CDH17: variants seen among roughly 807,000 people sequenced by gnomAD.
CDH17 encodes cadherin-17.
A neutral mutation model predicts 86.3 loss-of-function variants in CDH17; 67 were observed. That is an observed-to-expected ratio of 0.78 (90% CI 0.64 to 0.95). The LOEUF (loss-of-function observed/expected upper bound fraction) is 0.95. Ranked by LOEUF, CDH17 falls within the 40% of genes least tolerant of loss-of-function variation. CDH17 has a pLI of 0.00. For missense variants in CDH17, 993 were observed against 1,017.6 expected, an observed-to-expected ratio of 0.98 and a Z score of 0.33; for synonymous variants, 367 against 366.4, an observed-to-expected ratio of 1.00 and a Z score of -0.02.
chr8:94,139,905 A>T (rs1040607816), intron 15 of CDH17, among the ~76,000 whole-genome samples: 5 of 98,524 alleles, frequency 5.1e-5, no homozygotes, highest in Admixed American at 1.2e-4. Flanking sequence ...AAAATAAATA[A>T]AAAAAAAGGG....
chr8:94,140,540 A>G (rs1812617648), intron 15 of CDH17, among the ~76,000 whole-genome samples: 1 of 152,196 alleles, frequency 6.6e-6, no homozygotes. Flanking sequence ...TGAAAACAGA[A>G]CACGAACAAA....
In CDH17 at chr8:94,170,716, GTC is replaced by G. The variant is rs1217166286; in HGVS notation, c.915+136_915+137del. On this transcript the variant is annotated intron_variant, in intron 8 of 17. Coordinates refer to ENST00000027335, the MANE Select transcript of CDH17 (RefSeq NM_004063.4). ...GTCAGAATTATGTGAAAATTATCAT[GTC>G]TTTGAAAACCAATAATATGCTGGAG... 26 of 1,347,764 alleles carry G rather than the reference GTC, an allele frequency of 1.9e-5. No homozygotes were observed. In the Admixed American group the frequency reaches 6.1e-4, roughly 32 times the overall value. 83.5% of individuals were successfully genotyped at this position (1,347,764 alleles called of 1,614,324 possible). A position where few individuals can be genotyped will look rare whatever the true frequency, so the allele number is the denominator to read the frequency against.
intron 15 of CDH17, among the ~76,000 whole-genome samples, chr8:94,142,411 A>G (rs542037984): frequency 6.6e-6 from 1 of 152,360 alleles, no homozygotes; most frequent in East Asian, 1.9e-4. Flanking sequence ...TGACCCTTCA[A>G]TGAGTCATAA....
chr8:94,146,400 T>C (rs1321446003), intron 14 of CDH17, among the ~76,000 whole-genome samples: 1 of 152,238 alleles, frequency 6.6e-6, no homozygotes, highest in African/African-American at 2.4e-5. Flanking sequence ...TCAAAATAAT[T>C]GTGAAAACTG....
At chr8:94,147,695 C>A (rs1193686132) in intron 14 of CDH17, among the ~76,000 whole-genome samples, 1 of 152,112 alleles carries the variant, frequency 6.6e-6, no homozygotes, top group Non-Finnish European at 1.5e-5. Context: ...ATTGGGTAAA[C>A]ATACTATTCC....
At chr8:94,187,541 G>T (rs1813605477) in intron 3 of CDH17, among the ~76,000 whole-genome samples, 1 of 152,202 alleles carries the variant, frequency 6.6e-6, no homozygotes, top group Non-Finnish European at 1.5e-5. Context: ...CCCCTAGCCA[G>T]TTCCCTGAAT....
At chr8:94,195,208 G>A (rs1813759663) in intron 1 of CDH17, among the ~76,000 whole-genome samples, 1 of 152,146 alleles carries the variant, frequency 6.6e-6, no homozygotes, top group Admixed American at 6.5e-5. Context: ...TCACCATGGT[G>A]ACCAAGCTAG....
chr8:94,186,341 C>T (rs895523065), intron 3 of CDH17, among the ~76,000 whole-genome samples: 1 of 152,194 alleles, frequency 6.6e-6, no homozygotes, highest in African/African-American at 2.4e-5. Flanking sequence ...GTTCCCTCAT[C>T]CCCTGTGCTC....
At chr8:94,146,340 C>T (rs926958794) in intron 14 of CDH17, among the ~76,000 whole-genome samples, 173 bp from the exon 15 acceptor site, 42 of 152,158 alleles carry the variant, frequency 2.8e-4, no homozygotes, top group Admixed American at 1.6e-3. Flanking sequence ...TCTTACTGAC[C>T]ATCATAATAA....
chr8:94,157,307 C>T (rs1010350238), intron 12 of CDH17, among the ~76,000 whole-genome samples: 2 of 152,058 alleles, frequency 1.3e-5, no homozygotes, highest in Admixed American at 1.3e-4. Context: ...GAAGACAAAG[C>T]CATACATAAA....
At chr8:94,211,498 A>G (rs902803859), upstream of CDH17, among the ~76,000 whole-genome samples, 1 of 152,112 alleles carries the variant, frequency 6.6e-6, no homozygotes, top group Admixed American at 6.5e-5. Flanking sequence ...TTTTTAGTAG[A>G]GACGGGGTTT....
In CDH17 at chr8:94,173,848, A is replaced by T. The variant is rs2130641397; in HGVS notation, c.732T>A (p.Pro244=). The change falls in exon 7 of 18, where the codon CCT becomes CCA. Residue 244 remains proline (P), a synonymous_variant. Transcript: ENST00000027335. ...VTENIWKAPK[P]VEMVENSTDP... ...CAGTTGAGTTTTCCACCATCTCCAC[A>T]GGTTTTGGTGCTTTCCAAATATTCT... The T allele has an allele frequency of 1.2e-6, 2 of 1,613,872 alleles. No homozygotes were observed. Among genetic ancestry groups the T allele is most frequent in the East Asian group, 4.5e-5 (2 of 44,860 alleles).
chr8:94,214,150 A>T (rs1347072114), intron 1 of CDH17, among the ~76,000 whole-genome samples: 1 of 151,854 alleles, frequency 6.6e-6, no homozygotes, highest in Non-Finnish European at 1.5e-5. Context: ...TCCAAAACAT[A>T]CGCCTCCTAG....
At chr8:94,146,426 T>A (rs901382329) in intron 14 of CDH17, among the ~76,000 whole-genome samples, 1 of 152,244 alleles carries the variant, frequency 6.6e-6, no homozygotes. Context: ...AGAAGTTGTG[T>A]AACTTGCCCA....
chr8:94,170,313 G>A (rs1813242132), intron 9 of CDH17, 84 bp downstream of exon 9: 2 of 1,422,258 alleles, frequency 1.4e-6, no homozygotes, highest in East Asian at 4.6e-5. Context: ...CTGACTCCCA[G>A]TAAGGTCTCC....
chr8:94,153,187 T>C (rs185191251), intron 12 of CDH17, among the ~76,000 whole-genome samples: 138 of 152,244 alleles, frequency 9.1e-4, no homozygotes, highest in Middle Eastern at 3.4e-3. Context: ...GAAAACAACC[T>C]GTTTAAAACC....
intron 1 of CDH17, chr8:94,203,177 G>A (rs1813955048): frequency 6.5e-6 from 1 of 153,318 alleles, no homozygotes; most frequent in South Asian, 2.0e-4. Flanking sequence ...ATTGATTTTT[G>A]TCCCCCGTGA....
chr8:94,200,237 A>G (rs1011410450), intron 1 of CDH17, among the ~76,000 whole-genome samples: 5 of 152,152 alleles, frequency 3.3e-5, no homozygotes, highest in Non-Finnish European at 7.4e-5. Flanking sequence ...CTGGGTCGCA[A>G]TGGTGCTGAT....
At chr8:94,209,710 T>C (rs1814090758), upstream of CDH17, among the ~76,000 whole-genome samples, 1 of 152,210 alleles carries the variant, frequency 6.6e-6, no homozygotes, top group African/African-American at 2.4e-5. Flanking sequence ...ATGAGGTTAT[T>C]GAGGCTAAGC....
Sources: allele counts gnomAD v4.1 joint callset (sites outside exome capture counted in the v4.1 genomes callset), GRCh38; gene constraint gnomAD v4.1.1; transcripts MANE v1.5; gene names NCBI Gene and HGNC (gene_info 2026-07-23, HGNC 2026-07-21).